The following PIP4K2A variants were observed in gnomAD, a reference collection of about 807,000 sequenced individuals.
PIP4K2A encodes the protein phosphatidylinositol-5-phosphate 4-kinase type 2 alpha.
In PIP4K2A, 14 loss-of-function variants were observed where a neutral mutation model predicts 42.9. The ratio of observed to expected loss-of-function variants is 0.33; its 90% CI spans 0.22 to 0.51. The LOEUF (loss-of-function observed/expected upper bound fraction) is 0.51, where lower values mean the gene tolerates loss of function less well. PIP4K2A is among the 20% of genes least tolerant of loss of function. The pLI is 0.97. For synonymous variants in PIP4K2A, 192 were observed against 192.2 expected (o/e 1.00, Z 0.01); for missense variants, 434 against 519.8 (o/e 0.83, Z 1.61).
At chr10:22,679,944 G>T (rs892745708) in intron 1 of PIP4K2A, among the ~76,000 whole-genome samples, 1 of 151,914 alleles carries the variant, frequency 6.6e-6, no homozygotes, top group Non-Finnish European at 1.5e-5. Flanking sequence ...ATTGAGAATG[G>T]TTATACAACC....
chr10:22,645,284 G>A (rs1317193109), intron 1 of PIP4K2A, among the ~76,000 whole-genome samples: 3 of 152,142 alleles, frequency 2.0e-5, no homozygotes, highest in Non-Finnish European at 4.4e-5. Flanking sequence ...GATGGCTCAC[G>A]CCCATAATCC....
chr10:22,714,236 A>G lies in PIP4K2A; in HGVS notation c.91T>C (p.Phe31Leu), dbSNP rs1408026270. 1.9e-6 allele frequency: 3 copies of G among 1,611,796 alleles called. No individual in the cohort carries two copies. The highest frequency in any genetic ancestry group is 1.7e-6 in the Non-Finnish European group (2 of 1,178,848). ...KHFVAQKVKL[F>L]RASDPLLSVL... is the part of the protein sequence containing the mutation. ...CTGAGCAGCGGGTCGCTGGCCCGAAACAGCTTCACTTTCTGCGCTACGAAG... is the reference window on the plus strand; with the variant it reads ...CTGAGCAGCGGGTCGCTGGCCCGAAGCAGCTTCACTTTCTGCGCTACGAAG... The change falls in exon 1 of 10, where the codon TTT becomes CTT. Residue 31 changes from phenylalanine (F) to leucine (L), a missense_variant. This residue lies in a region of PIP4K2A where 395 missense variants were observed against 444.5 expected (regional missense o/e 0.89). Transcript: ENST00000376573.
intron 1 of PIP4K2A, among the ~76,000 whole-genome samples, chr10:22,681,082 G>A (rs1839650890): frequency 6.6e-6 from 1 of 152,124 alleles, no homozygotes; most frequent in Admixed American, 6.5e-5. Context: ...TCCTCCCAGT[G>A]ACTCCCCTAG....
In PIP4K2A at chr10:22,541,915, G is replaced by C; in HGVS notation, c.925C>G (p.Pro309Ala). ...GGGCTATCTGGGGGGGTTCCCACCG[G>C]GTGGGTGCCATCGCTCTCGCCCTCC... ...EEEGESDGTH[P>A]VGTPPDSPGN... Residue 309 changes from proline to alanine, a missense_variant, in exon 8 of 10, where the codon CCG becomes GCG. Physicochemically the swap from Pro to Ala is conservative, Grantham distance 27. Transcript: ENST00000376573. The C allele has an allele frequency of 6.2e-7, 1 of 1,614,026 alleles. No homozygotes were observed. Among genetic ancestry groups the C allele is most frequent in the Non-Finnish European group, 8.5e-7 (1 of 1,179,944 alleles).
At chr10:22,712,969 C>A (rs536389375) in intron 1 of PIP4K2A, among the ~76,000 whole-genome samples, 1 of 151,560 alleles carries the variant, frequency 6.6e-6, no homozygotes, top group African/African-American at 2.4e-5. Flanking sequence ...GAAAAACCAG[C>A]ATGGTTTTCT....
intron 1 of PIP4K2A, among the ~76,000 whole-genome samples, chr10:22,683,197 C>G (rs928854176): frequency 1.3e-5 from 2 of 152,224 alleles, no homozygotes; most frequent in African/African-American, 4.8e-5. Flanking sequence ...GGGCAGCTAT[C>G]TGAGCTGAAG....
At position 22,571,419 on chromosome 10, in the gene PIP4K2A, G is replaced by A. The variant is rs183593186; in HGVS notation, c.639+1892C>T. 3.3e-3 allele frequency among the ~76,000 whole-genome samples: 508 copies of A among 152,270 alleles called. 1 individual carries two copies. The highest frequency in any genetic ancestry group is 6.8e-3 in the South Asian group (33 of 4,818). ...TATATCCACCATCCTGGGCCTGACC[G>A]CTTCCCAATATGTAAAAGACTTTTC... On this transcript the variant is annotated intron_variant, in intron 5 of 9. Coordinates refer to ENST00000376573, the MANE Select transcript of PIP4K2A (RefSeq NM_005028.5).
intron 1 of PIP4K2A, among the ~76,000 whole-genome samples, chr10:22,696,217 A>G (rs556612014): frequency 6.6e-6 from 1 of 152,336 alleles, no homozygotes; most frequent in African/African-American, 2.4e-5. Flanking sequence ...TATTTTATTT[A>G]GCCCAAATAT....
intron 1 of PIP4K2A, among the ~76,000 whole-genome samples, chr10:22,638,295 T>C (rs74121866): frequency 3.9e-5 from 6 of 152,348 alleles, no homozygotes; most frequent in African/African-American, 1.4e-4. Context: ...AACTCCACTC[T>C]TCTCTGCCAC....
At chr10:22,710,740 C>T (rs2130931484) in intron 1 of PIP4K2A, among the ~76,000 whole-genome samples, 1 of 152,346 alleles carries the variant, frequency 6.6e-6, no homozygotes, top group Admixed American at 6.5e-5. Context: ...ACTTCTACAG[C>T]TTTAAACCAA....
At position 22,613,774 on chromosome 10, in the gene PIP4K2A, A is replaced by G. The variant is rs191700110; in HGVS notation, c.145-4057T>C. Among the ~76,000 whole-genome samples, 46 of 152,250 alleles carry G rather than the reference A, an allele frequency of 3.0e-4. No homozygotes were observed. In the East Asian group the frequency reaches 7.9e-3, roughly 26 times the overall value. The stretch of plus-strand genomic sequence containing the variant: ...TGGATGACATTCCTCATTCTGGCAG[A>G]GCTCAACCCCAGGGTGCAGGTGCAG... On this transcript the variant is annotated intron_variant, in intron 1 of 9. Coordinates refer to ENST00000376573, the MANE Select transcript of PIP4K2A (RefSeq NM_005028.5).
intron 1 of PIP4K2A, among the ~76,000 whole-genome samples, chr10:22,697,527 T>C (rs1839995564): frequency 6.6e-6 from 1 of 152,072 alleles, no homozygotes; most frequent in African/African-American, 2.4e-5. Context: ...ACTATCCTAC[T>C]AGGCAACACA....
Position 22,634,607 on chromosome 10 carries a change from T to G in PIP4K2A, c.145-24890A>C, listed in dbSNP as rs549617104. On this transcript the variant is annotated intron_variant, in intron 1 of 9. Transcript: ENST00000376573. ...AAGAGGTTATTATTCACATTAGAAA[T>G]GGAGACTGCCTTAAAGAAGGATGCA... Among the ~76,000 whole-genome samples the G allele has an allele frequency of 1.1e-4, 17 of 152,322 alleles. No homozygotes were observed. In the South Asian group the frequency reaches 3.5e-3, roughly 32 times the overall value.
chr10:22,545,512 A>C (rs1181661926), intron 7 of PIP4K2A, among the ~76,000 whole-genome samples: 1 of 152,232 alleles, frequency 6.6e-6, no homozygotes, highest in African/African-American at 2.4e-5. Flanking sequence ...AGCCCAGAGT[A>C]ATTTTCCTGG....
intron 1 of PIP4K2A, among the ~76,000 whole-genome samples, chr10:22,656,783 G>A (rs1416187046): frequency 6.8e-6 from 1 of 147,550 alleles, no homozygotes; most frequent in African/African-American, 2.5e-5. Flanking sequence ...GGTGAGAAGA[G>A]CCAGACTCCA....
intron 4 of PIP4K2A, among the ~76,000 whole-genome samples, chr10:22,580,754 A>G (rs1333181162): frequency 1.3e-5 from 2 of 152,190 alleles, no homozygotes; most frequent in East Asian, 3.9e-4. Context: ...ACTGTTTAGG[A>G]AAGGTGCATT....
intron 1 of PIP4K2A, among the ~76,000 whole-genome samples, chr10:22,630,601 GTATT>G (rs1838527939): frequency 6.6e-6 from 1 of 152,178 alleles, no homozygotes; most frequent in Non-Finnish European, 1.5e-5. Context: ...TAGAACTGCT[GTATT>G]TATCTGCCTT....
chr10:22,675,455 G>A (rs559458506), intron 1 of PIP4K2A, among the ~76,000 whole-genome samples: 39 of 152,126 alleles, frequency 2.6e-4, no homozygotes, highest in East Asian at 1.5e-3. Context: ...ACATGGTGTC[G>A]TGTGCCTGTA....
Position 22,536,992 on chromosome 10 carries a change from A to C in PIP4K2A, c.*209T>G. 1.5e-5 allele frequency: 6 copies of C among 413,516 alleles called. No homozygotes were observed. Among genetic ancestry groups the C allele is most frequent in the East Asian group, 1.0e-4 (2 of 19,190 alleles). 25.6% of individuals were successfully genotyped at this position (413,516 alleles called of 1,614,324 possible). Reference sequence around the variant, plus strand: ...AACACACACACACACACATATACACAAAGTCAGAAATAGCTAGAACGATGC... The same window carrying C: ...AACACACACACACACACATATACACCAAGTCAGAAATAGCTAGAACGATGC... On this transcript the variant is annotated 3_prime_UTR_variant, in exon 10 of 10. Coordinates refer to ENST00000376573, the MANE Select transcript of PIP4K2A (RefSeq NM_005028.5).
Sources: gnomAD v4.1 joint callset for allele counts (sites outside exome capture counted in the v4.1 genomes callset) on GRCh38, gnomAD v4.1.1 for gene constraint, gnomAD v4.1.1 regional missense constraint, MANE v1.5 for transcripts, NCBI Gene and HGNC (gene_info 2026-07-23, HGNC 2026-07-21) for gene names.